COL19A1: variants seen among roughly 807,000 people sequenced by gnomAD.
The protein encoded by COL19A1 is collagen alpha-1(XIX) chain.
A neutral mutation model predicts 190.2 loss-of-function variants in COL19A1; 159 were observed. The ratio of observed to expected loss-of-function variants is 0.84; its 90% CI spans 0.73 to 0.95. The LOEUF (loss-of-function observed/expected upper bound fraction) is 0.95. Ranked by LOEUF, COL19A1 falls within the 40% of genes least tolerant of loss-of-function variation. The pLI is 0.00. For synonymous variants in COL19A1, 509 were observed against 458.9 expected (o/e 1.11, Z -1.39); for missense variants, 1,418 against 1,431.9 (o/e 0.99, Z 0.16).
chr6:70,133,811 T>C (rs1422042920), intron 18 of COL19A1, among the ~76,000 whole-genome samples: 1 of 152,146 alleles, frequency 6.6e-6, no homozygotes, highest in Non-Finnish European at 1.5e-5. Flanking sequence ...GTGTCTAAGG[T>C]TCAGGTAGAA....
intron 18 of COL19A1, among the ~76,000 whole-genome samples, chr6:70,137,162 A>C (rs1241806921): frequency 6.6e-6 from 1 of 152,180 alleles, no homozygotes; most frequent in Non-Finnish European, 1.5e-5. Context: ...CATCTACAAG[A>C]ATGCCTTATT....
At chr6:69,872,506 A>T (rs944010489) in intron 1 of COL19A1, among the ~76,000 whole-genome samples, 1 of 152,188 alleles carries the variant, frequency 6.6e-6, no homozygotes, top group Non-Finnish European at 1.5e-5. Flanking sequence ...ATAAGAACTT[A>T]AAAAAATCTA....
chr6:70,139,376 G>C (rs1436770466), intron 19 of COL19A1, among the ~76,000 whole-genome samples: 2 of 151,964 alleles, frequency 1.3e-5, no homozygotes, highest in African/African-American at 4.8e-5. Flanking sequence ...TTCAAGGGCA[G>C]TCCATGTATC....
At chr6:69,922,877 TAA>T (rs1772084299) in intron 4 of COL19A1, among the ~76,000 whole-genome samples, 1 of 152,144 alleles carries the variant, frequency 6.6e-6, no homozygotes, top group African/African-American at 2.4e-5. Context: ...ATTCAACAGA[TAA>T]AGTGCCCTGT....
At chr6:70,041,270 A>G (rs1021747722) in intron 14 of COL19A1, among the ~76,000 whole-genome samples, 2 of 152,226 alleles carry the variant, frequency 1.3e-5, no homozygotes, top group Non-Finnish European at 2.9e-5. Context: ...TTTGGTACTA[A>G]CAACTATTTT....
chr6:70,156,592 TC>T, intron 33 of COL19A1, 77 bp from the exon 34 acceptor site: 1 of 1,485,136 alleles, frequency 6.7e-7, no homozygotes, highest in Non-Finnish European at 9.3e-7. Context: ...CCCCAAGTGT[TC>T]TTAGAAGAGA....
intron 16 of COL19A1, among the ~76,000 whole-genome samples, chr6:70,112,615 AT>A (rs999354668): frequency 2.0e-5 from 3 of 152,008 alleles, no homozygotes; most frequent in South Asian, 2.1e-4. Flanking sequence ...CTTTAAATAT[AT>A]TTTTTTCTGC....
chr6:69,871,983 A>G (rs1339783317), intron 1 of COL19A1, among the ~76,000 whole-genome samples: 2 of 151,720 alleles, frequency 1.3e-5, no homozygotes, highest in Non-Finnish European at 1.5e-5. Flanking sequence ...CACCTGGCTA[A>G]TTTTTGTATT....
At chr6:70,104,160 A>G (rs1233257754) in intron 16 of COL19A1, among the ~76,000 whole-genome samples, 1 of 152,132 alleles carries the variant, frequency 6.6e-6, no homozygotes, top group Non-Finnish European at 1.5e-5. Context: ...ATAAAAGCAC[A>G]TTGGGGGAAT....
intron 12 of COL19A1, among the ~76,000 whole-genome samples, chr6:70,028,582 G>A (rs1272800893): frequency 6.6e-6 from 1 of 152,156 alleles, no homozygotes; most frequent in Non-Finnish European, 1.5e-5. Context: ...AGATTTCTCA[G>A]TCTGATAAAG....
chr6:69,955,521 AAGTG>A (rs1243293014), intron 9 of COL19A1, among the ~76,000 whole-genome samples: 4 of 129,794 alleles, frequency 3.1e-5, no homozygotes, highest in South Asian at 5.7e-4. Context: ...AGCCACAGCA[AAGTG>A]TGTGTGTGTG....
At chr6:70,112,131 C>A (rs1784319528) in intron 16 of COL19A1, among the ~76,000 whole-genome samples, 1 of 152,170 alleles carries the variant, frequency 6.6e-6, no homozygotes, top group African/African-American at 2.4e-5. Flanking sequence ...TGTAAGCCAT[C>A]TTTCCTCCAG....
chr6:69,974,448 T>C (rs1375193459), intron 11 of COL19A1, among the ~76,000 whole-genome samples: 1 of 152,304 alleles, frequency 6.6e-6, no homozygotes, highest in Non-Finnish European at 1.5e-5. Flanking sequence ...AAGGTTTACT[T>C]ATGTGTACAA....
chr6:70,179,292 G>A (rs1329849416), intron 42 of COL19A1, among the ~76,000 whole-genome samples: 1 of 152,052 alleles, frequency 6.6e-6, no homozygotes, highest in East Asian at 1.9e-4. Context: ...GCTTTTTCAG[G>A]TCTCAGCCCC....
intron 10 of COL19A1, among the ~76,000 whole-genome samples, chr6:69,961,605 C>G (rs971897011): frequency 6.6e-6 from 1 of 152,126 alleles, no homozygotes; most frequent in Non-Finnish European, 1.5e-5. Flanking sequence ...ATAGACCATG[C>G]ATTCAGTGGT....
intron 11 of COL19A1, among the ~76,000 whole-genome samples, chr6:69,982,513 A>G (rs1319504338): frequency 6.6e-6 from 1 of 151,210 alleles, no homozygotes; most frequent in Non-Finnish European, 1.5e-5. Context: ...TGCTGGGATT[A>G]CAGGGGTGAG....
intron 1 of COL19A1, among the ~76,000 whole-genome samples, chr6:69,878,451 T>A (rs1490295174): frequency 6.6e-6 from 1 of 151,984 alleles, no homozygotes; most frequent in Non-Finnish European, 1.5e-5. Flanking sequence ...CTTTACCTCG[T>A]GATCGCCCGC....
chr6:70,054,752 G>T (rs1017949450), intron 14 of COL19A1, among the ~76,000 whole-genome samples: 2 of 152,048 alleles, frequency 1.3e-5, no homozygotes, highest in African/African-American at 4.8e-5. Context: ...ACAAATTTGG[G>T]TTTGTACATG....
chr6:70,081,817 T>G (rs1782274770), intron 15 of COL19A1, among the ~76,000 whole-genome samples: 1 of 152,136 alleles, frequency 6.6e-6, no homozygotes, highest in Admixed American at 6.5e-5. Context: ...TATTCTTACT[T>G]TTTTAAAAAT....
Sources: allele counts gnomAD v4.1 joint callset (sites outside exome capture counted in the v4.1 genomes callset), GRCh38; gene constraint gnomAD v4.1.1; transcripts MANE v1.5; gene names NCBI Gene and HGNC (gene_info 2026-07-23, HGNC 2026-07-21).